Variants in C7orf33 observed in about 807,000 individuals in gnomAD.
C7orf33 encodes the protein chromosome 7 open reading frame 33, also known as uncharacterized protein C7orf33.
In C7orf33, 15 loss-of-function variants were observed where a neutral mutation model predicts 13.4. That is an observed-to-expected ratio of 1.12 (90% CI 0.75 to 1.72). C7orf33 has a LOEUF of 1.72. C7orf33 is among the 40% of genes most tolerant of loss of function. The pLI, the probability that C7orf33 is intolerant of heterozygous loss-of-function variation, is 0.00. For missense variants in C7orf33, 187 were observed against 220.3 expected (o/e 0.85, Z 0.96); for synonymous variants, 73 against 83.2 (o/e 0.88, Z 0.67).
chr7:148,593,625 T>G (rs1204774111), intron 1 of C7orf33, among the ~76,000 whole-genome samples: 1 of 152,158 alleles, frequency 6.6e-6, no homozygotes, highest in African/African-American at 2.4e-5. Flanking sequence ...AAAGTTAGTT[T>G]TTATTTTAAA....
rs1554449689 is a variant in C7orf33 at position 148,612,213 on chromosome 7, T to TA, written c.205-1827dup. Among the ~76,000 whole-genome samples the TA allele has an allele frequency of 9.3e-3, 1,412 of 152,310 alleles. 19 individuals carry two copies. Among genetic ancestry groups the TA allele is most frequent in the African/African-American group, 0.033 (1,364 of 41,544 alleles). ...TGAAGTTAGCCAGTGATTTTTTTTT[T>TA]AATTTCCATTGCTGTTTTCTTATTT... On this transcript the variant is annotated intron_variant, in intron 1 of 2. Coordinates refer to ENST00000307003, the MANE Select transcript of C7orf33 (RefSeq NM_145304.4).
chr7:148,594,592 G>T (rs1331448649), intron 1 of C7orf33, among the ~76,000 whole-genome samples: 1 of 152,112 alleles, frequency 6.6e-6, no homozygotes, highest in African/African-American at 2.4e-5. Context: ...GTACTAAGAT[G>T]ACACCCAAGT....
At chr7:148,595,434 T>C (rs1377537549) in intron 1 of C7orf33, among the ~76,000 whole-genome samples, 1 of 130,548 alleles carries the variant, frequency 7.7e-6, no homozygotes, top group African/African-American at 3.0e-5. Context: ...GATATATCTA[T>C]ATAATATAGA....
chr7:148,615,626 C>T lies in C7orf33; in HGVS notation c.*225C>T, dbSNP rs11976982. The T allele has an allele frequency of 0.034, 15,385 of 454,984 alleles. 953 individuals carry two copies. Among genetic ancestry groups the T allele is most frequent in the African/African-American group, 0.19 (9,220 of 49,758 alleles). 28.2% of individuals were successfully genotyped at this position (454,984 alleles called of 1,614,324 possible). ...CAGGAATCTGTGTGGCATTTGTGCA[C>T]TGGTGTGGGGCCCAGGAGAGGACCA... On this transcript the variant is annotated 3_prime_UTR_variant, in exon 3 of 3. Coordinates refer to ENST00000307003, the MANE Select transcript of C7orf33 (RefSeq NM_145304.4).
At chr7:148,612,366 G>A (rs6959357) in intron 1 of C7orf33, among the ~76,000 whole-genome samples, 82,319 of 151,988 alleles carry the variant, frequency 0.54, 22,593 homozygotes, top group East Asian at 0.63. Flanking sequence ...TCAAAATGTT[G>A]GAACTATACA....
chr7:148,602,654 G>C (rs1796429557), intron 1 of C7orf33, among the ~76,000 whole-genome samples: 1 of 151,980 alleles, frequency 6.6e-6, no homozygotes, highest in Admixed American at 6.6e-5. Context: ...ATTCACAATT[G>C]TACCAAAAAT....
chr7:148,593,883 G>A (rs1342180602), intron 1 of C7orf33, among the ~76,000 whole-genome samples: 3 of 152,100 alleles, frequency 2.0e-5, no homozygotes, highest in Non-Finnish European at 2.9e-5. Flanking sequence ...GTTGGAGGTG[G>A]GGCCTAATGA....
chr7:148,605,695 C>T (rs528882485), intron 1 of C7orf33, among the ~76,000 whole-genome samples: 15 of 152,222 alleles, frequency 9.9e-5, no homozygotes, highest in Non-Finnish European at 2.1e-4. Context: ...GTTTTAGCTC[C>T]AGGTGCCCCA....
At chr7:148,600,303 T>C (rs1368418183) in intron 1 of C7orf33, among the ~76,000 whole-genome samples, 1 of 152,128 alleles carries the variant, frequency 6.6e-6, no homozygotes, top group African/African-American at 2.4e-5. Context: ...ACCCCATCTC[T>C]ACTAAAAATA....
intron 1 of C7orf33, among the ~76,000 whole-genome samples, chr7:148,607,777 G>A (rs751125700): frequency 3.9e-5 from 6 of 152,088 alleles, no homozygotes; most frequent in Non-Finnish European, 7.4e-5. Context: ...AAAGCGTATC[G>A]GGTTTAAATA....
intron 1 of C7orf33, among the ~76,000 whole-genome samples, chr7:148,599,749 AG>A (rs955979678): frequency 6.6e-6 from 1 of 152,156 alleles, no homozygotes; most frequent in Non-Finnish European, 1.5e-5. Flanking sequence ...CTGGGATTAC[AG>A]GCGTGAGCCA....
At chr7:148,607,198 G>A (rs559423790) in intron 1 of C7orf33, among the ~76,000 whole-genome samples, 8 of 152,232 alleles carry the variant, frequency 5.3e-5, no homozygotes, top group South Asian at 2.1e-4. Flanking sequence ...GCAAGTAACC[G>A]GCAGATAAAA....
chr7:148,598,120 T>C (rs970666469), intron 1 of C7orf33, among the ~76,000 whole-genome samples: 1 of 152,186 alleles, frequency 6.6e-6, no homozygotes, highest in Non-Finnish European at 1.5e-5. Flanking sequence ...TTTTTGCGTG[T>C]TTTCAGCTTT....
chr7:148,609,744 A>T (rs2116901958), intron 1 of C7orf33, among the ~76,000 whole-genome samples: 1 of 152,320 alleles, frequency 6.6e-6, no homozygotes, highest in African/African-American at 2.4e-5. Flanking sequence ...TTATCCTTAA[A>T]TTATTTCAGC....
At position 148,592,641 on chromosome 7, in the gene C7orf33, A is replaced by G. The variant is rs572183184; in HGVS notation, c.204+1512A>G. ...GCGATTCTCCTGTCTCAGCCTCCCA[A>G]GTAGCTGGGATTACAGGTGCACGCC... is the stretch of plus-strand genomic sequence containing the variant. On this transcript the variant is annotated intron_variant, in intron 1 of 2. Coordinates refer to ENST00000307003, the MANE Select transcript of C7orf33 (RefSeq NM_145304.4). Among the ~76,000 whole-genome samples, 143 of 151,788 alleles carry G rather than the reference A, an allele frequency of 9.4e-4. 1 individual carries two copies. The highest frequency in any genetic ancestry group is 6.8e-3 in the Middle Eastern group (2 of 294).
intron 1 of C7orf33, among the ~76,000 whole-genome samples, chr7:148,591,623 C>G (rs1194121738): frequency 2.0e-5 from 3 of 152,130 alleles, no homozygotes; most frequent in African/African-American, 7.2e-5. Context: ...CTCTGTCACC[C>G]AGGCTGGAGT....
At chr7:148,598,515 A>C (rs148581554) in intron 1 of C7orf33, among the ~76,000 whole-genome samples, 57 of 151,938 alleles carry the variant, frequency 3.8e-4, no homozygotes, top group African/African-American at 1.3e-3. Context: ...AAATCTTACT[A>C]TGAAACAAAC....
In C7orf33 at chr7:148,597,819, G is replaced by A. The variant is rs572594950; in HGVS notation, c.204+6690G>A. Reference sequence around the variant, plus strand: ...CGCCCAGGCTGGAGTGCAGTGGCGTGATCTCAGCTTACTGCAAGCTCCGCT... The same window carrying A: ...CGCCCAGGCTGGAGTGCAGTGGCGTAATCTCAGCTTACTGCAAGCTCCGCT... On this transcript the variant is annotated intron_variant, in intron 1 of 2. Coordinates refer to ENST00000307003, the MANE Select transcript of C7orf33 (RefSeq NM_145304.4). Among the ~76,000 whole-genome samples, 20 of 152,210 alleles carry A rather than the reference G, an allele frequency of 1.3e-4. No individual in the cohort carries two copies. The East Asian group carries it at 1.7e-3, about 13-fold the overall frequency.
chr7:148,605,877 C>T (rs1243710094), intron 1 of C7orf33, among the ~76,000 whole-genome samples: 1 of 152,178 alleles, frequency 6.6e-6, no homozygotes, highest in Non-Finnish European at 1.5e-5. Context: ...TACTGTTCAG[C>T]TAACTTGTGT....
Sources: gnomAD v4.1 joint callset for allele counts (sites outside exome capture counted in the v4.1 genomes callset) on GRCh38, gnomAD v4.1.1 for gene constraint, MANE v1.5 for transcripts, NCBI Gene and HGNC (gene_info 2026-07-23, HGNC 2026-07-21) for gene names.